AMPH: variants seen among roughly 807,000 people sequenced by gnomAD.
The protein encoded by AMPH is amphiphysin (Stiff-Mann syndrome with breast cancer 128kD autoantigen).
AMPH carries 49 observed loss-of-function variants against 99.1 expected under a neutral mutation model. The ratio of observed to expected loss-of-function variants is 0.49; its 90% CI spans 0.39 to 0.63. The LOEUF (loss-of-function observed/expected upper bound fraction) is 0.63, where lower values mean the gene tolerates loss of function less well. AMPH is among the 20% of genes least tolerant of loss of function. The probability of loss-of-function intolerance (pLI) is 0.00; values close to 1 mark genes in which losing one functional copy is unlikely to be tolerated. For missense variants in AMPH, 759 were observed against 863.4 expected (o/e 0.88, Z 1.52); for synonymous variants, 314 against 317.3 (o/e 0.99, Z 0.11).
At chr7:38,409,357 G>A (rs1327519479) in intron 17 of AMPH, among the ~76,000 whole-genome samples, 1 of 152,112 alleles carries the variant, frequency 6.6e-6, no homozygotes, top group Non-Finnish European at 1.5e-5. Context: ...AGGTAGGTAG[G>A]GTATCCAGAT....
intron 12 of AMPH, among the ~76,000 whole-genome samples, chr7:38,435,538 T>C (rs2128995477): frequency 6.6e-6 from 1 of 152,350 alleles, no homozygotes; most frequent in East Asian, 1.9e-4. Context: ...TTTGTCAAAT[T>C]TTGAGTTAAC....
At chr7:38,607,940 A>C (rs1324938940) in intron 1 of AMPH, among the ~76,000 whole-genome samples, 1 of 151,980 alleles carries the variant, frequency 6.6e-6, no homozygotes, top group Non-Finnish European at 1.5e-5. Context: ...TAAGTCAGTG[A>C]TTTTCTTTTT....
rs141491170 is a variant in AMPH, at chr7:38,428,235, G to A, written c.1183-1249C>T. On this transcript the variant is annotated intron_variant, in intron 14 of 20. Coordinates refer to ENST00000356264, the MANE Select transcript of AMPH (RefSeq NM_001635.4). ...TGTTATATCCAAATTATTCATTGCT[G>A]AATCCAAGCTTGGCTGCCAGATTTG... The A allele has an allele frequency of 1.7e-4, 79 of 456,672 alleles. No individual in the cohort carries two copies. The East Asian group carries it at 4.8e-3, about 28-fold the overall frequency. The allele number at this position is 456,672 out of a possible 1,614,324, so 28.3% of individuals were successfully genotyped here.
chr7:38,441,165 T>G (rs1463350969), intron 11 of AMPH, among the ~76,000 whole-genome samples: 1 of 152,098 alleles, frequency 6.6e-6, no homozygotes, highest in Non-Finnish European at 1.5e-5. Context: ...AATATTGTCA[T>G]GGATAAAGAG....
intron 1 of AMPH, among the ~76,000 whole-genome samples, chr7:38,563,713 G>A (rs1309787294): frequency 6.6e-6 from 1 of 152,082 alleles, no homozygotes; most frequent in Non-Finnish European, 1.5e-5. Flanking sequence ...AAAAGTGTTA[G>A]GAATAATTCT....
intron 1 of AMPH, among the ~76,000 whole-genome samples, chr7:38,627,225 G>A (rs180882525): frequency 6.6e-6 from 1 of 151,962 alleles, no homozygotes; most frequent in Non-Finnish European, 1.5e-5. Context: ...GGGCCACTGA[G>A]AGTTATACCA....
At chr7:38,470,906 T>C (rs1787858114) in intron 7 of AMPH, among the ~76,000 whole-genome samples, 1 of 152,166 alleles carries the variant, frequency 6.6e-6, no homozygotes, top group African/African-American at 2.4e-5. Context: ...CTCATGTCAC[T>C]CTCTACTAAA....
intron 11 of AMPH, among the ~76,000 whole-genome samples, chr7:38,460,177 G>A (rs1787386611): frequency 6.6e-6 from 1 of 151,868 alleles, no homozygotes; most frequent in African/African-American, 2.4e-5. Context: ...ATTATTAAAA[G>A]AACAAAACAT....
intron 15 of AMPH, among the ~76,000 whole-genome samples, chr7:38,423,518 G>A (rs1474936865): frequency 6.6e-6 from 1 of 152,114 alleles, no homozygotes; most frequent in African/African-American, 2.4e-5. Context: ...GTTACCTCCT[G>A]AATCCAAACT....
At chr7:38,448,933 C>T (rs1363954509) in intron 11 of AMPH, among the ~76,000 whole-genome samples, 1 of 152,038 alleles carries the variant, frequency 6.6e-6, no homozygotes. Context: ...AAAATCATTC[C>T]TAGTGTAGCA....
intron 14 of AMPH, among the ~76,000 whole-genome samples, chr7:38,427,265 G>GT (rs1554334462): frequency 3.3e-5 from 5 of 152,140 alleles, no homozygotes; most frequent in Non-Finnish European, 7.4e-5. Flanking sequence ...ATGAGAAGAT[G>GT]ATTCCAGAAA....
chr7:38,548,992 G>A (rs1384796866), intron 1 of AMPH, among the ~76,000 whole-genome samples: 1 of 152,174 alleles, frequency 6.6e-6, no homozygotes, highest in Non-Finnish European at 1.5e-5. Flanking sequence ...CTTTTCTATT[G>A]GCACAGCTGC....
At chr7:38,572,322 G>A (rs981346866) in intron 1 of AMPH, among the ~76,000 whole-genome samples, 1 of 152,156 alleles carries the variant, frequency 6.6e-6, no homozygotes, top group Non-Finnish European at 1.5e-5. Context: ...AGAAACATAT[G>A]GTTCAGGTGT....
rs181741652 is a variant in AMPH at position 38,401,721 on chromosome 7, C to T, written c.1399-7507G>A. ...ATTTCCAACCTAGATGCTTGCAGAACTTTTTTTTTAAACTTTAAACTCAAA... is the reference window on the plus strand; with the variant it reads ...ATTTCCAACCTAGATGCTTGCAGAATTTTTTTTTTAAACTTTAAACTCAAA... On this transcript the variant is annotated intron_variant, in intron 17 of 20. Coordinates refer to ENST00000356264, the MANE Select transcript of AMPH (RefSeq NM_001635.4). Among the ~76,000 whole-genome samples the T allele has an allele frequency of 5.1e-3, 778 of 151,728 alleles. 5 individuals carry two copies. The highest frequency in any genetic ancestry group is 0.01 in the Admixed American group (160 of 15,240).
intron 11 of AMPH, among the ~76,000 whole-genome samples, chr7:38,453,883 C>T (rs1282890057): frequency 6.6e-6 from 1 of 152,158 alleles, no homozygotes; most frequent in Non-Finnish European, 1.5e-5. Flanking sequence ...ATTCATGTAG[C>T]GAACAAAGAG....
chr7:38,469,023 G>A (rs12701632), intron 7 of AMPH, among the ~76,000 whole-genome samples: 9,840 of 115,028 alleles, frequency 0.086, 2,337 homozygotes, highest in South Asian at 0.19. Flanking sequence ...GCGTAGTGGC[G>A]GGCGCCTGTA....
chr7:38,427,003 A>G lies in AMPH; in HGVS notation c.1183-17T>C. 1 of 1,608,926 alleles carries G rather than the reference A, an allele frequency of 6.2e-7. No individual in the cohort carries two copies. ...ACCAGAAGCCTAAACAGAAACGAAA[A>G]TCAGATTGTGTTATTATTTTTCATT... On this transcript the variant is annotated splice_polypyrimidine_tract_variant and intron_variant, in intron 14 of 20. Coordinates refer to ENST00000356264, the MANE Select transcript of AMPH (RefSeq NM_001635.4).
intron 1 of AMPH, among the ~76,000 whole-genome samples, chr7:38,592,964 C>T (rs542616465): frequency 6.6e-6 from 1 of 152,328 alleles, no homozygotes; most frequent in East Asian, 1.9e-4. Context: ...ACTGACACAC[C>T]TCCTCTTGTA....
At chr7:38,598,269 CTTTTGT>C (rs1044486261) in intron 1 of AMPH, among the ~76,000 whole-genome samples, 7 of 151,546 alleles carry the variant, frequency 4.6e-5, no homozygotes, top group Non-Finnish European at 7.4e-5. Context: ...TGTTGTTGTT[CTTTTGT>C]TGTTGTTGTT....
Sources: gnomAD v4.1 joint callset for allele counts (sites outside exome capture counted in the v4.1 genomes callset) on GRCh38, gnomAD v4.1.1 for gene constraint, MANE v1.5 for transcripts, NCBI Gene and HGNC (gene_info 2026-07-23, HGNC 2026-07-21) for gene names.